CDK14: variants seen among roughly 807,000 people sequenced by gnomAD.
CDK14 encodes cyclin-dependent kinase 14.
A neutral mutation model predicts 60.7 loss-of-function variants in CDK14; 34 were observed. The observed-to-expected ratio is 0.56, with a 90% CI of 0.43 to 0.75. CDK14 has a LOEUF of 0.75. CDK14 is among the 30% of genes least tolerant of loss of function. The pLI is 0.00. For synonymous variants in CDK14, 197 were observed against 203.7 expected, an observed-to-expected ratio of 0.97 and a Z score of 0.28; for missense variants, 482 against 564.1, an observed-to-expected ratio of 0.85 and a Z score of 1.47.
At chr7:91,040,150 G>A (rs374109007) in intron 10 of CDK14, among the ~76,000 whole-genome samples, 1 of 152,098 alleles carries the variant, frequency 6.6e-6, no homozygotes, top group South Asian at 2.1e-4. Context: ...CTTTCTCCTC[G>A]CCTTCCACCT....
intron 11 of CDK14, among the ~76,000 whole-genome samples, chr7:91,049,445 C>T (rs978440478): frequency 2.0e-5 from 3 of 152,080 alleles, no homozygotes; most frequent in African/African-American, 4.8e-5. Context: ...CAGTCTTGAA[C>T]TCTTGATCTC....
At chr7:90,710,204 T>G in intron 2 of CDK14, 1 of 985,338 alleles carries the variant, frequency 1.0e-6, no homozygotes, top group Non-Finnish European at 1.2e-6. Flanking sequence ...GCTTGTAGTT[T>G]GTAAACACCA....
intron 11 of CDK14, among the ~76,000 whole-genome samples, chr7:91,062,669 C>G (rs929458674): frequency 6.6e-6 from 1 of 152,136 alleles, no homozygotes; most frequent in African/African-American, 2.4e-5. Flanking sequence ...TTCATGGATG[C>G]TATCTCAGGA....
chr7:91,106,562 AG>A lies in CDK14; in HGVS notation c.1155-5979del, dbSNP rs1341859123. ...TAATGTCTAATATGTGTCCTTAAAA[AG>A]CATAGAAAATAGAAATAAAATATTA... On this transcript the variant is annotated intron_variant, in intron 12 of 14. Transcript: ENST00000380050. 2.0e-5 allele frequency among the ~76,000 whole-genome samples: 3 copies of A among 152,208 alleles called. No homozygotes were observed. In the East Asian group the frequency reaches 5.8e-4, roughly 29 times the overall value.
intron 2 of CDK14, among the ~76,000 whole-genome samples, chr7:90,643,479 C>G (rs1255919901): frequency 6.6e-6 from 1 of 152,028 alleles, no homozygotes; most frequent in African/African-American, 2.4e-5. Flanking sequence ...TTGATATACA[C>G]CATATGGAAA....
Position 90,778,846 on chromosome 7 carries a change from A to ATTCCTTCCTTCCTT in CDK14, c.465-11727_465-11726insTTCCTTCCTTCCTT, listed in dbSNP as rs1554335028. The stretch of plus-strand genomic sequence containing the variant: ...TCCTGTGGAATGTAAAAATTGACCG[A>ATTCCTTCCTTCCTT]CCTTCCTTCCTTCCTTCCTTCCTTC... On this transcript the variant is annotated intron_variant, in intron 4 of 14. Coordinates refer to ENST00000380050, the MANE Select transcript of CDK14 (RefSeq NM_001287135.2). Among the ~76,000 whole-genome samples, 285 of 127,962 alleles carry ATTCCTTCCTTCCTT rather than the reference A, an allele frequency of 2.2e-3. 2 individuals carry two copies. The highest frequency in any genetic ancestry group is 8.1e-3 in the African/African-American group (263 of 32,530). The allele number at this position is 127,962 out of a possible 152,430, so 83.9% of individuals were successfully genotyped here. A position where few individuals can be genotyped will look rare whatever the true frequency, so the allele number is the denominator to read the frequency against.
chr7:90,993,486 T>C (rs1223096073), intron 10 of CDK14, among the ~76,000 whole-genome samples: 2 of 151,840 alleles, frequency 1.3e-5, no homozygotes, highest in Admixed American at 6.6e-5. Flanking sequence ...AGACAGTGCC[T>C]TGAAATGTGG....
intron 3 of CDK14, among the ~76,000 whole-genome samples, chr7:90,728,130 C>T (rs1802707923): frequency 1.3e-5 from 2 of 152,016 alleles, no homozygotes; most frequent in African/African-American, 4.8e-5. Context: ...ATTGAAATCC[C>T]TAGACTATTC....
At chr7:91,141,374 G>C (rs528858204) in intron 14 of CDK14, among the ~76,000 whole-genome samples, 4 of 152,316 alleles carry the variant, frequency 2.6e-5, no homozygotes, top group Admixed American at 6.5e-5. Flanking sequence ...GAAGGGGCAA[G>C]CATTAGGTGA....
intron 2 of CDK14, among the ~76,000 whole-genome samples, chr7:90,680,273 A>G (rs1342665068): frequency 2.0e-5 from 3 of 152,022 alleles, no homozygotes; most frequent in Admixed American, 1.3e-4. Flanking sequence ...CTTATTGACA[A>G]CCTCTTTGAG....
intron 9 of CDK14, among the ~76,000 whole-genome samples, chr7:90,970,421 G>A (rs1794890383): frequency 6.6e-6 from 1 of 152,070 alleles, no homozygotes; most frequent in Admixed American, 6.5e-5. Context: ...ATCTTTGCTG[G>A]CATTTGTGTC....
intron 2 of CDK14, among the ~76,000 whole-genome samples, chr7:90,610,998 TG>T (rs1277170949): frequency 1.3e-5 from 2 of 152,212 alleles, no homozygotes; most frequent in African/African-American, 4.8e-5. Context: ...TACCCTCATT[TG>T]CTCCAGTCTT....
In CDK14 at chr7:90,596,706, T is replaced by G; in HGVS notation, c.79T>G (p.Phe27Val). The change falls in exon 1 of 15, where the codon TTC (phenylalanine) becomes GTC (valine). Residue 27 changes from phenylalanine (F) to valine (V), a missense_variant. Transcript: ENST00000380050. The stretch of plus-strand genomic sequence containing the variant: ...GTTGCGGAGAACTTTGTCGGAGAGT[T>G]TCAGTCGCATTGGTGAGTAGCGCGC... ...KKLRRTLSES[F>V]SRIALKKDDT... The G allele has an allele frequency of 6.2e-7, 1 of 1,611,352 alleles. No individual in the cohort carries two copies. The highest frequency in any genetic ancestry group is 2.2e-5 in the East Asian group (1 of 44,772).
In CDK14 at chr7:90,596,724, TAGCGCGCTGCCCCCGGCCCCCCCAGC is replaced by T. The variant is rs1391493500; in HGVS notation, c.91+7_91+32del. 1.9e-6 allele frequency: 3 copies of T among 1,606,478 alleles called. No homozygotes were observed. The highest frequency in any genetic ancestry group is 2.6e-6 in the Non-Finnish European group (3 of 1,175,182). ...GGAGAGTTTCAGTCGCATTGGTGAG[TAGCGCGCTGCCCCCGGCCCCCCCAGC>T]GCCCGCTCCCCTCGGCCTGCGCCCC... On this transcript the variant is annotated splice_region_variant and intron_variant, in intron 1 of 14. Transcript: ENST00000380050.
At chr7:90,988,988 GTGTT>G (rs1795454215) in intron 10 of CDK14, among the ~76,000 whole-genome samples, 2 of 90,348 alleles carry the variant, frequency 2.2e-5, no homozygotes, top group Admixed American at 1.4e-4. Context: ...GAATTTGAGT[GTGTT>G]TGTGTGTGAG....
At chr7:91,095,363 G>C (rs1286252274) in intron 12 of CDK14, among the ~76,000 whole-genome samples, 1 of 152,232 alleles carries the variant, frequency 6.6e-6, no homozygotes, top group Non-Finnish European at 1.5e-5. Flanking sequence ...AGACTGGTGA[G>C]TGAAAGCAGA....
rs1788790083 is a variant in CDK14 at position 90,805,493 on chromosome 7, C to T, written c.544+14841C>T. On this transcript the variant is annotated intron_variant, in intron 5 of 14. Coordinates refer to ENST00000380050, the MANE Select transcript of CDK14 (RefSeq NM_001287135.2). ...ATACTAGCAATGAACATGTGGAAAA[C>T]AAAATTTAGAATACAATACCACTTA... 2.0e-5 allele frequency among the ~76,000 whole-genome samples: 3 copies of T among 151,840 alleles called. No individual in the cohort carries two copies. The South Asian group carries it at 6.2e-4, about 32-fold the overall frequency.
rs180759316 is a variant in CDK14, at chr7:90,904,112, G to A, written c.702+4759G>A. 7.2e-4 allele frequency among the ~76,000 whole-genome samples: 110 copies of A among 152,234 alleles called. 2 individuals carry two copies. In the East Asian group the frequency reaches 0.02, roughly 28 times the overall value. On this transcript the variant is annotated intron_variant, in intron 7 of 14. Coordinates refer to ENST00000380050, the MANE Select transcript of CDK14 (RefSeq NM_001287135.2). ...AGTGGGTGGTGACCCAGAATAAGGT[G>A]GGGGTTGTGTAGGTCAGGGAGAGGC...
At chr7:90,874,645 C>T (rs1042505191) in intron 6 of CDK14, among the ~76,000 whole-genome samples, 1 of 149,816 alleles carries the variant, frequency 6.7e-6, no homozygotes, top group Non-Finnish European at 1.5e-5. Flanking sequence ...TCTCCTGCCT[C>T]AGCCTCCCCA....
Sources: allele counts gnomAD v4.1 joint callset (sites outside exome capture counted in the v4.1 genomes callset), GRCh38; gene constraint gnomAD v4.1.1; transcripts MANE v1.5; gene names NCBI Gene and HGNC (gene_info 2026-07-23, HGNC 2026-07-21).